The following LRP1B variants were observed in gnomAD, a reference collection of about 807,000 sequenced individuals.
The protein encoded by LRP1B is LDL receptor related protein 1B, also known as low-density lipoprotein receptor-related protein 1B.
Under a neutral mutation model 556.6 loss-of-function variants are expected in LRP1B, and 217 were observed. That is an observed-to-expected ratio of 0.39 (90% CI 0.35 to 0.44). The LOEUF (loss-of-function observed/expected upper bound fraction) is 0.44, where lower values mean the gene tolerates loss of function less well. Ranked by LOEUF, LRP1B falls within the 20% of genes least tolerant of loss-of-function variation. The pLI, the probability that LRP1B is intolerant of heterozygous loss-of-function variation, is 1.00. For missense variants in LRP1B, 5,053 were observed against 5,620.8 expected, an observed-to-expected ratio of 0.90 and a Z score of 3.23; for synonymous variants, 2,047 against 1,865.8, an observed-to-expected ratio of 1.10 and a Z score of -2.50.
chr2:141,906,307 T>C (rs1202725026), intron 1 of LRP1B, among the ~76,000 whole-genome samples: 1 of 151,958 alleles, frequency 6.6e-6, no homozygotes, highest in African/African-American at 2.4e-5. Context: ...CGACACAAAT[T>C]ATGGAGTGTC....
At chr2:140,716,443 G>A (rs1687212707) in intron 36 of LRP1B, among the ~76,000 whole-genome samples, 1 of 152,004 alleles carries the variant, frequency 6.6e-6, no homozygotes, top group Non-Finnish European at 1.5e-5. Flanking sequence ...GCCTTCTGGA[G>A]CTCTCAGGAG....
At chr2:141,583,966 C>T (rs1687040278) in intron 2 of LRP1B, among the ~76,000 whole-genome samples, 3 of 151,778 alleles carry the variant, frequency 2.0e-5, no homozygotes, top group Admixed American at 2.0e-4. Flanking sequence ...TCTTGATCTC[C>T]TGATCTCATT....
chr2:142,095,139 C>CT (rs35384210), intron 1 of LRP1B, among the ~76,000 whole-genome samples: 91,842 of 147,216 alleles, frequency 0.62, 28,268 homozygotes, highest in East Asian at 0.71. Context: ...TATAAAAAAG[C>CT]TTTTTTTTTT....
chr2:140,770,471 A>G (rs1689272309), intron 34 of LRP1B, among the ~76,000 whole-genome samples: 1 of 151,978 alleles, frequency 6.6e-6, no homozygotes, highest in Non-Finnish European at 1.5e-5. Context: ...CAGTTATGCA[A>G]ACCTGAGACC....
At chr2:141,648,963 T>A (rs1462689438) in intron 2 of LRP1B, among the ~76,000 whole-genome samples, 1 of 152,218 alleles carries the variant, frequency 6.6e-6, no homozygotes, top group Non-Finnish European at 1.5e-5. Context: ...TTTTAATAGT[T>A]ATTTGACAAA....
At chr2:141,973,434 T>A in intron 1 of LRP1B, among the ~76,000 whole-genome samples, 1 of 151,824 alleles carries the variant, frequency 6.6e-6, no homozygotes, top group South Asian at 2.1e-4. Context: ...TGTATATGTA[T>A]GTGTAAAACA....
chr2:141,865,359 G>A (rs1214629109), intron 1 of LRP1B, among the ~76,000 whole-genome samples: 13 of 151,904 alleles, frequency 8.6e-5, no homozygotes, highest in Non-Finnish European at 1.9e-4. Context: ...TTGGGAGGCC[G>A]AGGCGGGCGG....
intron 4 of LRP1B, among the ~76,000 whole-genome samples, chr2:141,251,141 C>T (rs1316960086): frequency 6.6e-6 from 1 of 151,984 alleles, no homozygotes; most frequent in Non-Finnish European, 1.5e-5. Flanking sequence ...CAAAATGATA[C>T]ATAAATAGGA....
intron 70 of LRP1B, 102 bp downstream of exon 70, chr2:140,371,077 C>T: frequency 2.3e-6 from 2 of 881,844 alleles, no homozygotes; most frequent in East Asian, 2.7e-5. Flanking sequence ...ACATGTTAAA[C>T]CATGCTAAGA....
At chr2:141,251,467 A>C (rs191242212) in intron 4 of LRP1B, among the ~76,000 whole-genome samples, 1 of 152,252 alleles carries the variant, frequency 6.6e-6, no homozygotes, top group East Asian at 1.9e-4. Flanking sequence ...TATAAAGTGG[A>C]TATTTGTTGT....
chr2:140,293,497 A>AT (rs1209706145), intron 84 of LRP1B, among the ~76,000 whole-genome samples: 2 of 152,132 alleles, frequency 1.3e-5, no homozygotes, highest in African/African-American at 4.8e-5. Context: ...TTATATTGCT[A>AT]TTAGAGTTAT....
chr2:140,456,229 A>G (rs983144366), intron 62 of LRP1B, among the ~76,000 whole-genome samples: 4 of 151,826 alleles, frequency 2.6e-5, no homozygotes, highest in African/African-American at 9.7e-5. Flanking sequence ...CTGTGAAATA[A>G]TTTTTTCTTT....
At chr2:141,244,159 C>T (rs1333728855) in intron 5 of LRP1B, among the ~76,000 whole-genome samples, 3 of 152,134 alleles carry the variant, frequency 2.0e-5, no homozygotes, top group Non-Finnish European at 4.4e-5. Context: ...CTCTCTCTGC[C>T]GTCACATAAA....
At position 140,236,950 on chromosome 2, in the gene LRP1B, T is replaced by C. The variant is rs556425670; in HGVS notation, c.13560+1202A>G. ...CTGTGTTTTGTTATGTTTTTATACA[T>C]GTATACATTGCAGAAAAAATCAAAG... is the stretch of plus-strand genomic sequence containing the variant. On this transcript the variant is annotated intron_variant, in intron 89 of 90. Coordinates refer to ENST00000389484, the MANE Select transcript of LRP1B (RefSeq NM_018557.3). 3.3e-3 allele frequency among the ~76,000 whole-genome samples: 494 copies of C among 151,194 alleles called. 2 individuals are homozygous for C. Among genetic ancestry groups the C allele is most frequent in the Non-Finnish European group, 5.0e-3 (339 of 67,356 alleles).
chr2:141,616,892 A>G (rs999563285), intron 2 of LRP1B, among the ~76,000 whole-genome samples: 1 of 151,944 alleles, frequency 6.6e-6, no homozygotes, highest in South Asian at 2.1e-4. Flanking sequence ...TAACTCTCTA[A>G]TTTTTCTGCC....
intron 66 of LRP1B, among the ~76,000 whole-genome samples, chr2:140,398,944 G>T (rs1383291004): frequency 6.6e-6 from 1 of 152,064 alleles, no homozygotes; most frequent in Non-Finnish European, 1.5e-5. Flanking sequence ...TTAAAAATAT[G>T]TTTTTCTTAA....
chr2:141,070,288 G>T lies in LRP1B; in HGVS notation c.1014-8015C>A, dbSNP rs1305769005. Among the ~76,000 whole-genome samples, 31 of 149,884 alleles carry T rather than the reference G, an allele frequency of 2.1e-4. No homozygotes were observed. In the Admixed American group the frequency reaches 2.1e-3, roughly 10 times the overall value. ...ATAACGAAATGAAGGCAGAAATAAA[G>T]ATATTCTTTGAAACCAACGAGAACA... On this transcript the variant is annotated intron_variant, in intron 7 of 90. Coordinates refer to ENST00000389484, the MANE Select transcript of LRP1B (RefSeq NM_018557.3).
At chr2:141,452,138 A>G (rs2105024601) in intron 3 of LRP1B, among the ~76,000 whole-genome samples, 2 of 152,318 alleles carry the variant, frequency 1.3e-5, no homozygotes, top group East Asian at 3.9e-4. Flanking sequence ...GGAGTTTGTG[A>G]GATAACTGTA....
chr2:141,556,641 A>G (rs1685969594), intron 2 of LRP1B, among the ~76,000 whole-genome samples: 1 of 151,924 alleles, frequency 6.6e-6, no homozygotes, highest in African/African-American at 2.4e-5. Flanking sequence ...TTAAACAAAT[A>G]TCACTTCCAA....
Sources: allele counts gnomAD v4.1 joint callset (sites outside exome capture counted in the v4.1 genomes callset), GRCh38; gene constraint gnomAD v4.1.1; transcripts MANE v1.5; gene names NCBI Gene and HGNC (gene_info 2026-07-23, HGNC 2026-07-21).